The following OR2C1 variants were observed in gnomAD, a reference collection of about 807,000 sequenced individuals.
OR2C1 encodes the protein olfactory receptor 2C1.
For missense variants in OR2C1, 468 were observed against 388.3 expected, an observed-to-expected ratio of 1.21 and a Z score of -1.73; for synonymous variants, 209 against 167.3, an observed-to-expected ratio of 1.25 and a Z score of -1.92.
the OR2C1 span, among the ~76,000 whole-genome samples, chr16:3,336,367 C>G: frequency 6.6e-5 from 10 of 151,586 alleles, no homozygotes; most frequent in African/African-American, 2.4e-4. Flanking sequence ...TTCTTTCTTT[C>G]TTTCTTTTTT....
the OR2C1 span, among the ~76,000 whole-genome samples, chr16:3,324,202 A>AT: frequency 1.3e-5 from 2 of 152,088 alleles, no homozygotes; most frequent in African/African-American, 4.8e-5. Flanking sequence ...TTTTTATTTT[A>AT]TTTTTTGGAG....
chr16:3,350,802 A>G, the OR2C1 span, among the ~76,000 whole-genome samples: 3 of 151,800 alleles, frequency 2.0e-5, no homozygotes, highest in Non-Finnish European at 4.4e-5. Context: ...AATTCTTAAC[A>G]TACAAACAAA....
At chr16:3,346,395 T>C in the OR2C1 span, among the ~76,000 whole-genome samples, 1 of 152,094 alleles carries the variant, frequency 6.6e-6, no homozygotes, top group Admixed American at 6.6e-5. Flanking sequence ...GAGATGCAAG[T>C]ACGTCCAGCT....
chr16:3,335,576 G>C, the OR2C1 span, among the ~76,000 whole-genome samples: 3 of 138,266 alleles, frequency 2.2e-5, no homozygotes, highest in Admixed American at 2.3e-4. Context: ...GCCCAGGCTG[G>C]AGTGCAGTAG....
At chr16:3,328,444 A>T in the OR2C1 span, among the ~76,000 whole-genome samples, 1 of 152,202 alleles carries the variant, frequency 6.6e-6, no homozygotes, top group African/African-American at 2.4e-5. Flanking sequence ...TTTGAGAATT[A>T]TGTACGCTGT....
the OR2C1 span, among the ~76,000 whole-genome samples, chr16:3,332,284 C>T: frequency 3.3e-5 from 5 of 151,464 alleles, no homozygotes; most frequent in Admixed American, 6.6e-5. Context: ...TTTGTAGAGA[C>T]AGGGTCTTGC....
the OR2C1 span, among the ~76,000 whole-genome samples, chr16:3,341,090 A>C: frequency 6.6e-6 from 1 of 152,020 alleles, no homozygotes; most frequent in Non-Finnish European, 1.5e-5. Context: ...CTATAATTAC[A>C]AGATGTCTTT....
chr16:3,336,694 T>G, the OR2C1 span, among the ~76,000 whole-genome samples: 3 of 124,282 alleles, frequency 2.4e-5, no homozygotes, highest in Non-Finnish European at 3.3e-5. Context: ...TTTTCTATTT[T>G]CTTTTCTTTC....
Position 3,356,952 on chromosome 16 carries a change from GA to G in OR2C1, c.*75del. ...TCTCATTAACTCTCTCTGGCCAGGT[GA>G]ACATGAGGAATACTAATTCCGGTAA... is the stretch of plus-strand genomic sequence containing the variant. On this transcript the variant is annotated 3_prime_UTR_variant, in exon 1 of 1. Coordinates refer to ENST00000304936, the MANE Select transcript of OR2C1 (RefSeq NM_012368.3). 1 of 1,266,556 alleles carries G rather than the reference GA, an allele frequency of 7.9e-7. No individual in the cohort carries two copies. The allele number at this position is 1,266,556 out of a possible 1,614,324, so 78.5% of individuals were successfully genotyped here. A position where few individuals can be genotyped will look rare whatever the true frequency, so the allele number is the denominator to read the frequency against.
At chr16:3,329,046 G>T in the OR2C1 span, among the ~76,000 whole-genome samples, 1 of 151,614 alleles carries the variant, frequency 6.6e-6, no homozygotes, top group East Asian at 1.9e-4. Flanking sequence ...CCAGGCAGGA[G>T]TACAATGGCA....
chr16:3,325,915 G>A, the OR2C1 span, among the ~76,000 whole-genome samples: 1 of 150,762 alleles, frequency 6.6e-6, no homozygotes, highest in East Asian at 1.9e-4. Context: ...TACTGCAAGA[G>A]TGCTCAAGTG....
chr16:3,323,648 C>G, the OR2C1 span: 2 of 707,826 alleles, frequency 2.8e-6, no homozygotes, highest in Non-Finnish European at 2.6e-6. Context: ...AATCCTTTTG[C>G]TGCATACAAC....
chr16:3,323,989 A>G, the OR2C1 span: 5 of 497,388 alleles, frequency 1.0e-5, no homozygotes, highest in Admixed American at 3.8e-5. Flanking sequence ...GTATACTTCC[A>G]ACATAATTTT....
chr16:3,338,538 C>CTTTTTTT, the OR2C1 span, among the ~76,000 whole-genome samples: 34 of 103,344 alleles, frequency 3.3e-4, 3 homozygotes, highest in African/African-American at 1.0e-3. Context: ...GTATAGGTAC[C>CTTTTTTT]TTTTTTTTTT....
At chr16:3,329,970 G>C in the OR2C1 span, among the ~76,000 whole-genome samples, 2 of 150,814 alleles carry the variant, frequency 1.3e-5, no homozygotes, top group African/African-American at 4.9e-5. Context: ...GACCAGGCTG[G>C]TCTCAAACTC....
chr16:3,334,032 G>A, the OR2C1 span, among the ~76,000 whole-genome samples: 3 of 152,100 alleles, frequency 2.0e-5, no homozygotes, highest in Non-Finnish European at 4.4e-5. Context: ...GAGTGCAGTG[G>A]CACAATCTTG....
the OR2C1 span, among the ~76,000 whole-genome samples, chr16:3,339,052 C>A: frequency 6.6e-6 from 1 of 152,084 alleles, no homozygotes; most frequent in Non-Finnish European, 1.5e-5. Context: ...ACAAATCGGC[C>A]TTTTGGTCCT....
At chr16:3,336,741 T>A in the OR2C1 span, among the ~76,000 whole-genome samples, 1 of 127,652 alleles carries the variant, frequency 7.8e-6, no homozygotes, top group African/African-American at 2.9e-5. Flanking sequence ...AGAGTTTCGC[T>A]CTTGTTGCCC....
At chr16:3,339,984 A>T in the OR2C1 span, among the ~76,000 whole-genome samples, 75,354 of 151,908 alleles carry the variant, frequency 0.5, 19,490 homozygotes, top group East Asian at 0.66. Context: ...TTCCCATTTT[A>T]AAAATGAGTT....
Sources: gnomAD v4.1 joint callset for allele counts (sites outside exome capture counted in the v4.1 genomes callset) on GRCh38, gnomAD v4.1.1 for gene constraint, MANE v1.5 for transcripts, NCBI Gene and HGNC (gene_info 2026-07-23, HGNC 2026-07-21) for gene names.